Variants in ABCA1 observed in about 807,000 individuals in gnomAD.
ABCA1 encodes the protein phospholipid-transporting ATPase ABCA1.
A neutral mutation model predicts 262.5 loss-of-function variants in ABCA1; 133 were observed. The observed-to-expected ratio is 0.51, with a 90% CI of 0.44 to 0.59. ABCA1 has a LOEUF of 0.59. ABCA1 is among the 20% of genes least tolerant of loss of function. ABCA1 has a pLI of 0.00. For synonymous variants in ABCA1, 1,022 were observed against 1,043.5 expected (o/e 0.98, Z 0.40); for missense variants, 2,452 against 2,777.5 (o/e 0.88, Z 2.63).
chr9:104,788,377 T>C, intron 45 of ABCA1, 49 bp downstream of exon 45: 3 of 1,613,726 alleles, frequency 1.9e-6, no homozygotes, highest in Non-Finnish European at 1.7e-6. Flanking sequence ...AAGGTATATA[T>C]TGTCAGGATG....
At chr9:104,839,518 T>C (rs1358486763) in intron 9 of ABCA1, among the ~76,000 whole-genome samples, 4 of 116,864 alleles carry the variant, frequency 3.4e-5, no homozygotes, top group Non-Finnish European at 7.5e-5. Flanking sequence ...TAAATGTTAG[T>C]TCTTTGTTGT....
intron 2 of ABCA1, among the ~76,000 whole-genome samples, chr9:104,897,560 T>G (rs551073317): frequency 1.3e-5 from 2 of 152,188 alleles, no homozygotes; most frequent in South Asian, 4.1e-4. Context: ...AAAGGCATCA[T>G]CCCACAGTAG....
chr9:104,866,562 C>A (rs778683991), intron 5 of ABCA1, among the ~76,000 whole-genome samples: 1 of 151,950 alleles, frequency 6.6e-6, no homozygotes, highest in Non-Finnish European at 1.5e-5. Context: ...CTCATTGCAA[C>A]CTCCAAAGCC....
At chr9:104,843,778 C>T (rs1281716001) in intron 8 of ABCA1, among the ~76,000 whole-genome samples, 1 of 151,850 alleles carries the variant, frequency 6.6e-6, no homozygotes, top group Non-Finnish European at 1.5e-5. Context: ...ACTGGACAAA[C>T]AAGTGCATTT....
intron 7 of ABCA1, among the ~76,000 whole-genome samples, chr9:104,846,106 T>C (rs962948572): frequency 2.0e-5 from 3 of 152,376 alleles, no homozygotes; most frequent in Middle Eastern, 6.8e-3. Context: ...TCTTTATATG[T>C]ACCAATTCAT....
chr9:104,905,260 C>A (rs777101234), intron 1 of ABCA1, among the ~76,000 whole-genome samples: 2 of 152,180 alleles, frequency 1.3e-5, no homozygotes, highest in Admixed American at 6.5e-5. Context: ...CAAAACCAAG[C>A]GCTAGACTAG....
rs756684371 is a variant in ABCA1 at position 104,814,414 on chromosome 9, T to C, written c.3787+13A>G. 1.1e-5 allele frequency: 18 copies of C among 1,614,056 alleles called. No individual in the cohort carries two copies. The African/African-American group carries it at 2.1e-4, about 19-fold the overall frequency. On this transcript the variant is annotated intron_variant, in intron 26 of 49. Coordinates refer to ENST00000374736, the MANE Select transcript of ABCA1 (RefSeq NM_005502.4). Reference sequence around the variant, plus strand: ...ACTATCTTAAGTGTGCCATTCTCCCTCAAGGCAGTTACCTGAGGTCTCAGC... The same window carrying C: ...ACTATCTTAAGTGTGCCATTCTCCCCCAAGGCAGTTACCTGAGGTCTCAGC...
At chr9:104,885,160 C>T (rs1334305301) in intron 3 of ABCA1, among the ~76,000 whole-genome samples, 7 of 152,188 alleles carry the variant, frequency 4.6e-5, no homozygotes. Flanking sequence ...CGCTTGAACT[C>T]AGGAGGGGGA....
intron 1 of ABCA1, among the ~76,000 whole-genome samples, chr9:104,911,002 C>T (rs1163577805): frequency 2.6e-5 from 4 of 152,188 alleles, no homozygotes; most frequent in African/African-American, 7.2e-5. Context: ...CTACCATGCC[C>T]GGCCTCAGTA....
Position 104,903,878 on chromosome 9 carries a change from G to A in ABCA1, c.-92-107C>T. 5 of 620,902 alleles carry A rather than the reference G, an allele frequency of 8.1e-6. No individual in the cohort carries two copies. The South Asian group carries it at 9.3e-5, about 12-fold the overall frequency. 38.5% of individuals were successfully genotyped at this position (620,902 alleles called of 1,614,324 possible). On this transcript the variant is annotated intron_variant, in intron 1 of 49. Coordinates refer to ENST00000374736, the MANE Select transcript of ABCA1 (RefSeq NM_005502.4). Reference sequence around the variant, plus strand: ...TCTCAGCTGAGACCTCCAACACACAGCTCTGCATCATGACTGCTTCTCAAT... The same window carrying A: ...TCTCAGCTGAGACCTCCAACACACAACTCTGCATCATGACTGCTTCTCAAT...
In ABCA1 at chr9:104,818,875, T is replaced by C. The variant is rs149671492; in HGVS notation, c.3250A>G (p.Ile1084Val). 5.6e-6 allele frequency: 9 copies of C among 1,612,630 alleles called. No homozygotes were observed. In the African/African-American group the frequency reaches 1.1e-4, roughly 19 times the overall value. ...LLLKYRQGRTIILSTHHMDEA... is the reference protein window; with the variant it reads ...LLLKYRQGRTVILSTHHMDEA... ...TCCATGTGGTGTGTAGAGAGAATAA[T>C]GGTGCGGCCTGCCAGGCACAAACAC... The change falls in exon 23 of 50, where the codon ATT (isoleucine) becomes GTT (valine). Residue 1084 changes from isoleucine (I) to valine (V), a missense_variant. Coordinates refer to ENST00000374736, the MANE Select transcript of ABCA1 (RefSeq NM_005502.4).
intron 22 of ABCA1, 129 bp from the exon 23 acceptor site, chr9:104,819,012 C>G (rs1832029357): frequency 1.2e-6 from 1 of 863,822 alleles, no homozygotes; most frequent in Non-Finnish European, 1.9e-6. Context: ...ACCTTTCACC[C>G]TGTATGGCTA....
chr9:104,887,916 G>A (rs1839333848), intron 3 of ABCA1, among the ~76,000 whole-genome samples: 1 of 151,770 alleles, frequency 6.6e-6, no homozygotes, highest in Non-Finnish European at 1.5e-5. Context: ...TAGTAGAGAC[G>A]AGGTTCCACC....
At chr9:104,839,773 C>CT (rs1440550688) in intron 9 of ABCA1, among the ~76,000 whole-genome samples, 3 of 152,068 alleles carry the variant, frequency 2.0e-5, no homozygotes, top group Non-Finnish European at 4.4e-5. Context: ...TCATAGTTGC[C>CT]TTTTTTGTGT....
At chr9:104,878,532 T>G (rs1445375600) in intron 5 of ABCA1, among the ~76,000 whole-genome samples, 1 of 152,288 alleles carries the variant, frequency 6.6e-6, no homozygotes, top group South Asian at 2.1e-4. Flanking sequence ...TCCCAGAATA[T>G]CCCTTCTGTG....
rs1588508898 is a variant in ABCA1 at position 104,886,941 on chromosome 9, G to A, written c.160+2161C>T. 2.0e-5 allele frequency among the ~76,000 whole-genome samples: 3 copies of A among 152,322 alleles called. No homozygotes were observed. In the South Asian group the frequency reaches 6.2e-4, roughly 32 times the overall value. On this transcript the variant is annotated intron_variant, in intron 3 of 49. Coordinates refer to ENST00000374736, the MANE Select transcript of ABCA1 (RefSeq NM_005502.4). ...ACTTTTAACTCTGCTCTTCCAACTAGGTCCCTGGAGGGTGATGAGAAAAGA... is the reference window on the plus strand; with the variant it reads ...ACTTTTAACTCTGCTCTTCCAACTAAGTCCCTGGAGGGTGATGAGAAAAGA...
chr9:104,801,984 T>C (rs979202787), intron 34 of ABCA1, 70 bp downstream of exon 34: 2 of 1,411,498 alleles, frequency 1.4e-6, no homozygotes, highest in African/African-American at 2.8e-5. Context: ...CCGTTTAACC[T>C]GCCAACTACT....
At chr9:104,804,747 CG>C (rs1830620380) in intron 31 of ABCA1, 27 bp from the exon 32 acceptor site, 1 of 1,568,784 alleles carries the variant, frequency 6.4e-7, no homozygotes, top group South Asian at 1.1e-5. Flanking sequence ...ACCAAGCATA[CG>C]GGTCTTTATA....
rs1831380874 is a variant in ABCA1 at position 104,812,637 on chromosome 9, A to G, written c.3987T>C (p.Phe1329=). 6.2e-7 allele frequency: 1 copy of G among 1,614,226 alleles called. No individual in the cohort carries two copies. Among genetic ancestry groups the G allele is most frequent in the Non-Finnish European group, 8.5e-7 (1 of 1,180,038 alleles). The part of the protein sequence containing the change: ...VKGWKLTQQQ[F]VALLWKRLLI... ...GCAGTCTCTTCCACAAAAGGGCCAC[A>G]AACTGTTGCTGTGTAAGTTTCCAGC... The change falls in exon 28 of 50, where the codon TTT becomes TTC. Residue 1329 remains phenylalanine (F), a synonymous_variant. Coordinates refer to ENST00000374736, the MANE Select transcript of ABCA1 (RefSeq NM_005502.4).
Sources: allele counts gnomAD v4.1 joint callset (sites outside exome capture counted in the v4.1 genomes callset), GRCh38; gene constraint gnomAD v4.1.1; transcripts MANE v1.5; gene names NCBI Gene and HGNC (gene_info 2026-07-23, HGNC 2026-07-21).